Variants in LMTK3 observed in about 807,000 individuals in gnomAD.
LMTK3 encodes the protein serine/threonine-protein kinase LMTK3.
Under a neutral mutation model 116.7 loss-of-function variants are expected in LMTK3, and 27 were observed. That is an observed-to-expected ratio of 0.23 (90% CI 0.17 to 0.32). The LOEUF is 0.32. Among genes scored for constraint, LMTK3 ranks in the 10% least tolerant of loss-of-function variants. The pLI is 1.00. For missense variants in LMTK3, 1,764 were observed against 2,068.5 expected, an observed-to-expected ratio of 0.85 and a Z score of 2.86; for synonymous variants, 965 against 971.0, an observed-to-expected ratio of 0.99 and a Z score of 0.11.
rs929237409 is a variant in LMTK3, at chr19:48,499,600, C to T, written c.1469G>A (p.Arg490Gln). 6 of 1,538,522 alleles carry T rather than the reference C, an allele frequency of 3.9e-6. No homozygotes were observed. Among genetic ancestry groups the T allele is most frequent in the Non-Finnish European group, 5.3e-6 (6 of 1,142,688 alleles). The change falls in exon 11 of 15, where the codon CGG becomes CAG. Residue 490 changes from arginine (R) to glutamine (Q), a missense_variant. Coordinates refer to ENST00000600059, the MANE Select transcript of LMTK3 (RefSeq NM_001388485.1). ...LWEKARRGAG[R>Q]GGGAPAWQPA... ...CTGCCAGGCAGGTGCCCCCCCACCCCGGCCGGCCCCACGCCGGGCCTTCTC... is the reference window on the plus strand; with the variant it reads ...CTGCCAGGCAGGTGCCCCCCCACCCTGGCCGGCCCCACGCCGGGCCTTCTC...
chr19:48,495,456 C>T (rs759513713), intron 11 of LMTK3, among the ~76,000 whole-genome samples: 3 of 152,184 alleles, frequency 2.0e-5, no homozygotes, highest in Non-Finnish European at 4.4e-5. Context: ...CATTCTCTGC[C>T]TCTTTTCACC....
In LMTK3 at chr19:48,497,622, C is replaced by T. The variant is rs528592329; in HGVS notation, c.3447G>A (p.Pro1149=). 2.9e-5 allele frequency: 37 copies of T among 1,267,140 alleles called. No homozygotes were observed. The highest frequency in any genetic ancestry group is 8.1e-5 in the Admixed American group (2 of 24,562). 78.5% of individuals were successfully genotyped at this position (1,267,140 alleles called of 1,614,324 possible). ...GCTGTGCCTCCGGTGGCGGTGGCAG[C>T]GGTGGCGGCGGTGGCTGCGGCCTCG... ...DNTRPQPPPP[P]LPPPPEAQPR... The change falls in exon 11 of 15, where the codon CCG becomes CCA. Residue 1149 remains proline, a synonymous_variant. Coordinates refer to ENST00000600059, the MANE Select transcript of LMTK3 (RefSeq NM_001388485.1). This position sits in a 1 kb window ranked among gnomAD's most constrained non-coding sequence, Gnocchi z 5.7.
intron 12 of LMTK3, among the ~76,000 whole-genome samples, chr19:48,492,992 C>T (rs1277721485): frequency 6.6e-6 from 1 of 151,836 alleles, no homozygotes; most frequent in African/African-American, 2.4e-5. Flanking sequence ...GCCCCATTTC[C>T]CTGACCAGTC....
rs1972224405 is a variant in LMTK3, at chr19:48,491,471, T to C, written c.4161A>G (p.Pro1387=). ...PEGDTDPSTP[P]APPTPPHPAT... ...CGGGGTGGGGAGGTGTCGGGGGCGC[T>C]GGAGGCGTTGACGGGTCCGTGTCCC... The change falls in exon 13 of 15, where the codon CCA becomes CCG. Residue 1387 remains proline, a synonymous_variant. Transcript: ENST00000600059. This position sits in a 1 kb window ranked among gnomAD's most constrained non-coding sequence, Gnocchi z 5.1. The C allele has an allele frequency of 1.4e-6, 2 of 1,417,424 alleles. No individual in the cohort carries two copies. The highest frequency in any genetic ancestry group is 3.0e-5 in the African/African-American group (2 of 66,564). The allele number at this position is 1,417,424 out of a possible 1,614,324, so 87.8% of individuals were successfully genotyped here. A position where few individuals can be genotyped will look rare whatever the true frequency, so the allele number is the denominator to read the frequency against.
chr19:48,511,599 T>C lies in LMTK3; in HGVS notation c.-23A>G. The C allele has an allele frequency of 2.2e-6, 1 of 448,404 alleles. No homozygotes were observed. Among genetic ancestry groups the C allele is most frequent in the South Asian group, 7.1e-5 (1 of 14,182 alleles). The allele number at this position is 448,404 out of a possible 1,614,324, so 27.8% of individuals were successfully genotyped here. On this transcript the variant is annotated 5_prime_UTR_variant, in exon 1 of 15. Coordinates refer to ENST00000600059, the MANE Select transcript of LMTK3 (RefSeq NM_001388485.1). ...CATCTTGTCGAGGATGGCAGGGAGGTGGAGGTGGTGGCGGCTGGGGAGGAG... is the reference window on the plus strand; with the variant it reads ...CATCTTGTCGAGGATGGCAGGGAGGCGGAGGTGGTGGCGGCTGGGGAGGAG...
Position 48,497,825 on chromosome 19 carries a change from C to T in LMTK3, c.3244G>A (p.Gly1082Arg), listed in dbSNP as rs1003487730. ...PGPLGPAPKN[G>R]TLEPGTERRA... Reference sequence around the variant, plus strand: ...CTCTCGGTCCCGGGTTCCAGCGTCCCGTTCTTGGGGGCTGGGCCAAGGGGG... The same window carrying T: ...CTCTCGGTCCCGGGTTCCAGCGTCCTGTTCTTGGGGGCTGGGCCAAGGGGG... The change falls in exon 11 of 15, where the codon GGG becomes AGG. Residue 1082 changes from glycine to arginine, a missense_variant. Gly to Arg is a moderately radical substitution (Grantham distance 125). Transcript: ENST00000600059. The surrounding 1 kb of genome is among the most constrained non-coding windows in gnomAD (Gnocchi z 5.7). The T allele has an allele frequency of 5.7e-6, 8 of 1,395,892 alleles. No individual in the cohort carries two copies. The African/African-American group carries it at 1.0e-4, about 18-fold the overall frequency. 86.5% of individuals were successfully genotyped at this position (1,395,892 alleles called of 1,614,324 possible).
chr19:48,497,267 G>T lies in LMTK3; in HGVS notation c.3676+126C>A. 9.8e-7 allele frequency: 1 copy of T among 1,024,368 alleles called. No homozygotes were observed. The highest frequency in any genetic ancestry group is 3.2e-5 in the East Asian group (1 of 31,308). 63.5% of individuals were successfully genotyped at this position (1,024,368 alleles called of 1,614,324 possible). A position where few individuals can be genotyped will look rare whatever the true frequency, so the allele number is the denominator to read the frequency against. On this transcript the variant is annotated intron_variant, in intron 11 of 14. Transcript: ENST00000600059. This position sits in a 1 kb window ranked among gnomAD's most constrained non-coding sequence, Gnocchi z 5.7. ...GCTGAGCCACGATGTGAGCCCAGGT[G>T]GTGCAGGCTTCAGGACCTGCATTCA...
chr19:48,502,697 C>A, intron 6 of LMTK3, 116 bp from the exon 7 acceptor site: 1 of 1,264,450 alleles, frequency 7.9e-7, no homozygotes, highest in Non-Finnish European at 1.1e-6. Flanking sequence ...CCTTAGTTTC[C>A]TCTGCTGCTT....
rs973348004 is a variant in LMTK3, at chr19:48,509,518, G to T, written c.362-5C>A. Reference sequence around the variant, plus strand: ...GGCCCAGGGGGGTGGTCATGTCTGGGGAGGGCAAGAGGGGAAAGCCCCTGA... The same window carrying T: ...GGCCCAGGGGGGTGGTCATGTCTGGTGAGGGCAAGAGGGGAAAGCCCCTGA... On this transcript the variant is annotated splice_region_variant and splice_polypyrimidine_tract_variant and intron_variant, in intron 3 of 14. Transcript: ENST00000600059. 2 of 1,549,472 alleles carry T rather than the reference G, an allele frequency of 1.3e-6. No individual in the cohort carries two copies. The highest frequency in any genetic ancestry group is 2.7e-5 in the African/African-American group (2 of 73,162).
Position 48,491,157 on chromosome 19 carries a change from C to A in LMTK3, c.4317G>T (p.Ala1439=). Residue 1439 remains alanine, a synonymous_variant, in exon 14 of 15, where the codon GCG becomes GCT. Transcript: ENST00000600059. This position sits in a 1 kb window ranked among gnomAD's most constrained non-coding sequence, Gnocchi z 5.1. ...LCFSRFSVSP[A]LETPGPPARA... is the part of the protein sequence containing the mutation. ...GGGCGGGTGGCCCCGGGGTCTCCAGCGCAGGCGAGACGGAGAAGCGGGAGA... is the reference window on the plus strand; with the variant it reads ...GGGCGGGTGGCCCCGGGGTCTCCAGAGCAGGCGAGACGGAGAAGCGGGAGA... 1 of 1,374,776 alleles carries A rather than the reference C, an allele frequency of 7.3e-7. No individual in the cohort carries two copies. Among genetic ancestry groups the A allele is most frequent in the Admixed American group, 3.2e-5 (1 of 30,934 alleles). The allele number at this position is 1,374,776 out of a possible 1,614,324, so 85.2% of individuals were successfully genotyped here. A position where few individuals can be genotyped will look rare whatever the true frequency, so the allele number is the denominator to read the frequency against.
intron 3 of LMTK3, 41 bp from the exon 4 acceptor site, chr19:48,509,554 C>G (rs750454607): frequency 2.0e-6 from 3 of 1,491,908 alleles, no homozygotes; most frequent in Admixed American, 4.2e-5. Flanking sequence ...GTCTCTCCCC[C>G]TTCCTGAGTG....
At chr19:48,511,451 C>G in intron 1 of LMTK3, 50 bp downstream of exon 1, 1 of 831,140 alleles carries the variant, frequency 1.2e-6, no homozygotes, top group Non-Finnish European at 1.7e-6. Context: ...ACAGCGAGGC[C>G]GCCGCGGGGG....
intron 14 of LMTK3, among the ~76,000 whole-genome samples, chr19:48,486,817 G>A (rs981044711): frequency 2.6e-5 from 4 of 151,990 alleles, no homozygotes; most frequent in Non-Finnish European, 4.4e-5. Context: ...GATTACAGGC[G>A]TGAGCCACTG....
chr19:48,504,993 G>A (rs1301506058), intron 5 of LMTK3, among the ~76,000 whole-genome samples: 3 of 151,618 alleles, frequency 2.0e-5, no homozygotes, highest in East Asian at 1.9e-4. Context: ...AAGTCAACCC[G>A]GCCTCCCTGA....
chr19:48,492,343 C>T (rs1175329599), intron 12 of LMTK3, among the ~76,000 whole-genome samples: 1 of 152,198 alleles, frequency 6.6e-6, no homozygotes, highest in East Asian at 1.9e-4. Context: ...TGCGCACCAC[C>T]ACACCAAGAT....
intron 1 of LMTK3, among the ~76,000 whole-genome samples, chr19:48,511,294 C>A (rs932059780): frequency 1.3e-5 from 2 of 152,310 alleles, no homozygotes; most frequent in Non-Finnish European, 2.9e-5. Flanking sequence ...GTTGCCCAAA[C>A]GGAGCCCCCT....
chr19:48,485,594 G>C lies in LMTK3; in HGVS notation c.*179C>G. On this transcript the variant is annotated 3_prime_UTR_variant, in exon 15 of 15. Coordinates refer to ENST00000600059, the MANE Select transcript of LMTK3 (RefSeq NM_001388485.1). ...CAGGGGAGCCATCTGGGGGGCTGGG[G>C]GGCGGGGGCCCGGGGCCTCCCGTTT... 1.6e-6 allele frequency: 1 copy of C among 637,722 alleles called. No homozygotes were observed. Among genetic ancestry groups the C allele is most frequent in the South Asian group, 1.9e-5 (1 of 52,536 alleles). The allele number at this position is 637,722 out of a possible 1,614,324, so 39.5% of individuals were successfully genotyped here.
chr19:48,487,549 G>A (rs1187416283), intron 14 of LMTK3, among the ~76,000 whole-genome samples: 13 of 152,106 alleles, frequency 8.5e-5, no homozygotes, highest in Non-Finnish European at 1.3e-4. Flanking sequence ...CAGGAGCTGC[G>A]GTCACTGCTG....
rs529893155 is a variant in LMTK3 at position 48,491,354 on chromosome 19, G to T, written c.4228+50C>A. 2.8e-6 allele frequency: 1 copy of T among 359,976 alleles called. No homozygotes were observed. Among genetic ancestry groups the T allele is most frequent in the Non-Finnish European group, 4.3e-6 (1 of 234,240 alleles). The allele number at this position is 359,976 out of a possible 1,614,324, so 22.3% of individuals were successfully genotyped here. On this transcript the variant is annotated intron_variant, in intron 13 of 14. Coordinates refer to ENST00000600059, the MANE Select transcript of LMTK3 (RefSeq NM_001388485.1). This position sits in a 1 kb window ranked among gnomAD's most constrained non-coding sequence, Gnocchi z 5.1. ...CCTCCCACCCCATAGACCCCGCCCC[G>T]TCCGCCCCATGGCTCCCGCCCCCTC...
Sources: allele counts gnomAD v4.1 joint callset (sites outside exome capture counted in the v4.1 genomes callset), GRCh38; gene constraint gnomAD v4.1.1; non-coding constraint Gnocchi (gnomAD v3.1); transcripts MANE v1.5; gene names NCBI Gene and HGNC (gene_info 2026-07-23, HGNC 2026-07-21).